The following TTC17 variants were observed in gnomAD, a reference collection of about 807,000 sequenced individuals.
TTC17 encodes the protein tetratricopeptide repeat domain 17, also known as tetratricopeptide repeat protein 17.
A neutral mutation model predicts 143.8 loss-of-function variants in TTC17; 58 were observed. The ratio of observed to expected loss-of-function variants is 0.40; its 90% CI spans 0.33 to 0.50. The LOEUF (loss-of-function observed/expected upper bound fraction) is 0.50. Ranked by LOEUF, TTC17 falls within the 20% of genes least tolerant of loss-of-function variation. The pLI is 0.49. For synonymous variants in TTC17, 501 were observed against 497.8 expected, an observed-to-expected ratio of 1.01 and a Z score of -0.09; for missense variants, 1,273 against 1,392.5, an observed-to-expected ratio of 0.91 and a Z score of 1.37.
intron 16 of TTC17, among the ~76,000 whole-genome samples, chr11:43,437,010 AT>A (rs1356102731): frequency 6.6e-6 from 1 of 151,952 alleles, no homozygotes; most frequent in Non-Finnish European, 1.5e-5. Context: ...CCTTCTATGT[AT>A]TATCTCTTGG....
At chr11:43,408,116 A>G (rs187113888) in intron 15 of TTC17, among the ~76,000 whole-genome samples, 21 of 152,300 alleles carry the variant, frequency 1.4e-4, no homozygotes, top group African/African-American at 5.1e-4. Context: ...TTGGTTTTTC[A>G]TATTTTAACA....
chr11:43,471,445 G>A lies in TTC17; in HGVS notation c.3031-18794G>A, dbSNP rs527330310. Among the ~76,000 whole-genome samples the A allele has an allele frequency of 2.6e-5, 4 of 152,230 alleles. No homozygotes were observed. The East Asian group carries it at 5.8e-4, about 22-fold the overall frequency. On this transcript the variant is annotated intron_variant, in intron 21 of 23. Coordinates refer to ENST00000039989, the MANE Select transcript of TTC17 (RefSeq NM_018259.6). The stretch of plus-strand genomic sequence containing the variant: ...CTTGTCTCCTTCCCACCCCCAGCCC[G>A]TCATCAATGCCTAGTTTGGCCTAAT...
chr11:43,423,594 G>A (rs1292592735), intron 16 of TTC17, among the ~76,000 whole-genome samples: 1 of 152,070 alleles, frequency 6.6e-6, no homozygotes, highest in African/African-American at 2.4e-5. Flanking sequence ...CTTTTAGTTG[G>A]TATTTTAATT....
chr11:43,441,275 CAAA>C (rs770291331), intron 16 of TTC17, among the ~76,000 whole-genome samples: 1 of 131,044 alleles, frequency 7.6e-6, no homozygotes. Context: ...GACTCTATCT[CAAA>C]AAAAAAAAAA....
At chr11:43,450,053 T>C (rs1947627294) in intron 19 of TTC17, 29 bp from the exon 20 acceptor site, 4 of 1,601,536 alleles carry the variant, frequency 2.5e-6, no homozygotes, top group South Asian at 1.1e-5. Context: ...AAATTTCCCA[T>C]AGCTAATGTG....
intron 2 of TTC17, among the ~76,000 whole-genome samples, chr11:43,383,433 C>G (rs1359913337): frequency 6.6e-6 from 1 of 152,150 alleles, no homozygotes; most frequent in African/African-American, 2.4e-5. Context: ...CTCACTGCAG[C>G]CTCCGCCTCC....
rs202107663 is a variant in TTC17, at chr11:43,398,086, T to C, written c.1031T>C (p.Leu344Pro). 6.2e-7 allele frequency: 1 copy of C among 1,614,142 alleles called. No homozygotes were observed. Among genetic ancestry groups the C allele is most frequent in the East Asian group, 2.2e-5 (1 of 44,880 alleles). The change falls in exon 8 of 24, where the codon CTG (leucine) becomes CCG (proline). Residue 344 changes from leucine (L) to proline (P), a missense_variant. By Grantham distance (98) the Leu-to-Pro change is moderately conservative. Transcript: ENST00000039989. ...CATGCTGTCCTATGTCAGCAAAAACTGGAGCAGAAATTGGAGGCTCAGCAT... is the reference window on the plus strand; with the variant it reads ...CATGCTGTCCTATGTCAGCAAAAACCGGAGCAGAAATTGGAGGCTCAGCAT... The part of the protein sequence containing the change: ...RKHAVLCQQK[L>P]EQKLEAQHRS...
intron 5 of TTC17, among the ~76,000 whole-genome samples, chr11:43,393,050 G>A (rs1243857562): frequency 2.0e-5 from 3 of 152,184 alleles, no homozygotes; most frequent in African/African-American, 7.2e-5. Flanking sequence ...GTACCACTTT[G>A]GACCGTTTCT....
intron 21 of TTC17, among the ~76,000 whole-genome samples, chr11:43,467,291 G>A (rs1290778641): frequency 6.6e-6 from 1 of 152,188 alleles, no homozygotes; most frequent in East Asian, 1.9e-4. Flanking sequence ...ATCCACAGAT[G>A]AATGGATAAA....
intron 16 of TTC17, among the ~76,000 whole-genome samples, chr11:43,421,920 T>G (rs978567083): frequency 7.1e-6 from 1 of 140,100 alleles, no homozygotes; most frequent in African/African-American, 2.7e-5. Context: ...GACTGCTGAC[T>G]TGGAAGATTT....
intron 16 of TTC17, 34 bp from the exon 17 acceptor site, chr11:43,443,291 A>G (rs776455173): frequency 1.2e-6 from 2 of 1,608,724 alleles, no homozygotes; most frequent in Non-Finnish European, 1.7e-6. Context: ...AGTACTGTGT[A>G]CCTTTTACTA....
chr11:43,488,450 A>T (rs766395883), intron 21 of TTC17, among the ~76,000 whole-genome samples: 118 of 151,080 alleles, frequency 7.8e-4, no homozygotes, highest in Middle Eastern at 3.5e-3. Context: ...TTCAACCTAA[A>T]TTAAATACTG....
chr11:43,407,365 A>C lies in TTC17; in HGVS notation c.1852A>C (p.Ile618Leu), dbSNP rs1456520099. 1 of 1,613,626 alleles carries C rather than the reference A, an allele frequency of 6.2e-7. No individual in the cohort carries two copies. The highest frequency in any genetic ancestry group is 1.1e-5 in the South Asian group (1 of 91,064). The part of the protein sequence containing the change: ...FHAINKPNAP[I>L]WLILNEAGLY... The stretch of plus-strand genomic sequence containing the variant: ...TTGGATTTTTCAGCCAAATGCTCCT[A>C]TCTGGCTCATACTCAATGAAGCTGG... Residue 618 changes from isoleucine (I) to leucine (L), a missense_variant, in exon 15 of 24, where the codon ATC (isoleucine) becomes CTC (leucine). Physicochemically the swap from Ile to Leu is conservative, Grantham distance 5. This residue lies in a region of TTC17 where 878 missense variants were observed against 899.8 expected (regional missense o/e 0.98). Coordinates refer to ENST00000039989, the MANE Select transcript of TTC17 (RefSeq NM_018259.6).
chr11:43,379,408 T>G (rs1565134174), intron 2 of TTC17, 86 bp downstream of exon 2: 1 of 1,267,970 alleles, frequency 7.9e-7, no homozygotes, highest in Non-Finnish European at 1.1e-6. Flanking sequence ...TAAAGCATAT[T>G]ATTTTTTAAG....
chr11:43,481,511 G>T (rs539339944), intron 21 of TTC17, among the ~76,000 whole-genome samples: 8 of 152,272 alleles, frequency 5.3e-5, no homozygotes, highest in African/African-American at 1.9e-4. Context: ...TGGTCCTAGA[G>T]TTCTCTTTGT....
intron 16 of TTC17, among the ~76,000 whole-genome samples, chr11:43,429,542 A>G (rs1428201888): frequency 2.0e-5 from 3 of 152,200 alleles, no homozygotes; most frequent in African/African-American, 4.8e-5. Context: ...AGCAACTGAA[A>G]GATATATTTT....
At chr11:43,439,461 T>G (rs995723424) in intron 16 of TTC17, among the ~76,000 whole-genome samples, 1 of 151,558 alleles carries the variant, frequency 6.6e-6, no homozygotes, top group Non-Finnish European at 1.5e-5. Context: ...CATGTCTTGT[T>G]TTTTTTTGGT....
At position 43,444,722 on chromosome 11, in the gene TTC17, TACACAC is replaced by T. The variant is rs10638143; in HGVS notation, c.2665+545_2665+550del. On this transcript the variant is annotated intron_variant, in intron 18 of 23. Coordinates refer to ENST00000039989, the MANE Select transcript of TTC17 (RefSeq NM_018259.6). ...GTACATAGGCAGTTCACCAAATACA[TACACAC>T]ACACACACACACACACACACACACA... Among the ~76,000 whole-genome samples the T allele has an allele frequency of 2.0e-3, 287 of 143,630 alleles. 1 individual carries two copies. Among genetic ancestry groups the T allele is most frequent in the Middle Eastern group, 0.011 (3 of 276 alleles). 94.2% of individuals were successfully genotyped at this position (143,630 alleles called of 152,430 possible). A position where few individuals can be genotyped will look rare whatever the true frequency, so the allele number is the denominator to read the frequency against.
chr11:43,448,728 T>C (rs1430679560), intron 19 of TTC17: 1 of 152,252 alleles, frequency 6.6e-6, no homozygotes, highest in East Asian at 1.9e-4. Flanking sequence ...GTTCAACTCA[T>C]TTGTCTGTCT....
Sources: gnomAD v4.1 joint callset for allele counts (sites outside exome capture counted in the v4.1 genomes callset) on GRCh38, gnomAD v4.1.1 for gene constraint, gnomAD v4.1.1 regional missense constraint, MANE v1.5 for transcripts, NCBI Gene and HGNC (gene_info 2026-07-23, HGNC 2026-07-21) for gene names.